FAM13A: variants seen among roughly 807,000 people sequenced by gnomAD.
FAM13A encodes the protein protein FAM13A.
In FAM13A, 76 loss-of-function variants were observed where a neutral mutation model predicts 129.6. The observed-to-expected ratio is 0.59, with a 90% CI of 0.49 to 0.71. FAM13A has a LOEUF of 0.71. FAM13A is among the 30% of genes least tolerant of loss of function. The pLI, the probability that FAM13A is intolerant of heterozygous loss-of-function variation, is 0.00. For synonymous variants in FAM13A, 443 were observed against 449.9 expected, an observed-to-expected ratio of 0.98 and a Z score of 0.20; for missense variants, 1,108 against 1,249.3, an observed-to-expected ratio of 0.89 and a Z score of 1.70.
At chr4:88,943,871 CTTTG>C (rs1755187374) in intron 4 of FAM13A, among the ~76,000 whole-genome samples, 1 of 152,050 alleles carries the variant, frequency 6.6e-6, no homozygotes. Flanking sequence ...TCTTTTAATG[CTTTG>C]TTTTTCAGAC....
chr4:88,852,119 C>A (rs1268076763), intron 6 of FAM13A, among the ~76,000 whole-genome samples: 3 of 151,632 alleles, frequency 2.0e-5, no homozygotes, highest in African/African-American at 7.3e-5. Context: ...TCCTTAGAGG[C>A]TGAGATAACT....
Position 88,732,111 on chromosome 4 carries a change from G to A in FAM13A, c.2734C>T (p.Leu912=). Residue 912 remains leucine, a synonymous_variant, in exon 22 of 24, where the codon CTG becomes TTG. Coordinates refer to ENST00000264344, the MANE Select transcript of FAM13A (RefSeq NM_014883.4). ...TCAGCGTCATCTTCGAATTGGTCCA[G>A]AAAGCATCGTGCACTGAAATCGGTT... ...LKTDFSARCF[L]DQFEDDADGF... 1 of 1,613,968 alleles carries A rather than the reference G, an allele frequency of 6.2e-7. No individual in the cohort carries two copies.
At chr4:88,849,630 T>C (rs895992277) in intron 7 of FAM13A, among the ~76,000 whole-genome samples, 1 of 152,228 alleles carries the variant, frequency 6.6e-6, no homozygotes, top group African/African-American at 2.4e-5. Context: ...GCTGAAATCA[T>C]CTTCCTCACA....
At chr4:88,854,833 T>C (rs1738223716) in intron 6 of FAM13A, among the ~76,000 whole-genome samples, 2 of 152,210 alleles carry the variant, frequency 1.3e-5, no homozygotes, top group Admixed American at 6.5e-5. Context: ...TAAAAACAAA[T>C]GAATGTTCTT....
At chr4:88,902,399 CAT>C (rs1366724083) in intron 6 of FAM13A, among the ~76,000 whole-genome samples, 3 of 152,016 alleles carry the variant, frequency 2.0e-5, no homozygotes, top group Non-Finnish European at 4.4e-5. Flanking sequence ...CATCAAAAAG[CAT>C]ATGCACCATG....
chr4:88,870,529 A>T (rs1178246336), intron 6 of FAM13A, among the ~76,000 whole-genome samples: 1 of 152,176 alleles, frequency 6.6e-6, no homozygotes, highest in Admixed American at 6.5e-5. Context: ...AGCCTTGCTC[A>T]TTGCTAGTGC....
intron 8 of FAM13A, among the ~76,000 whole-genome samples, chr4:88,796,935 CATT>C (rs1239080639): frequency 6.6e-6 from 1 of 152,024 alleles, no homozygotes; most frequent in East Asian, 1.9e-4. Context: ...ATATTTCTCT[CATT>C]ATTATTAAAA....
intron 11 of FAM13A, among the ~76,000 whole-genome samples, chr4:88,772,949 G>A (rs951383236): frequency 2.0e-5 from 3 of 152,200 alleles, no homozygotes; most frequent in Non-Finnish European, 4.4e-5. Flanking sequence ...ACTGATATAA[G>A]TTAGAAGAGT....
At chr4:88,921,721 G>T (rs575156467) in intron 5 of FAM13A, among the ~76,000 whole-genome samples, 139 of 152,176 alleles carry the variant, frequency 9.1e-4, no homozygotes, top group Non-Finnish European at 1.8e-3. Flanking sequence ...AAATGTAAAT[G>T]GACTAAATGC....
chr4:88,875,499 T>G (rs1012614135), intron 6 of FAM13A, among the ~76,000 whole-genome samples: 1 of 152,160 alleles, frequency 6.6e-6, no homozygotes, highest in African/African-American at 2.4e-5. Context: ...CAGACACTTC[T>G]CAAAAGAAGA....
chr4:88,792,195 A>G (rs1725322831), intron 8 of FAM13A, among the ~76,000 whole-genome samples: 1 of 152,042 alleles, frequency 6.6e-6, no homozygotes, highest in Admixed American at 6.6e-5. Context: ...CAATAACCCT[A>G]TGAAGAGGTA....
chr4:88,861,406 T>G (rs991830175), intron 6 of FAM13A, among the ~76,000 whole-genome samples: 1 of 145,334 alleles, frequency 6.9e-6, no homozygotes, highest in Non-Finnish European at 1.5e-5. Context: ...AAAACTAAAC[T>G]AAACGAAATA....
chr4:88,925,582 C>G (rs1751984276), intron 5 of FAM13A, among the ~76,000 whole-genome samples: 1 of 150,350 alleles, frequency 6.7e-6, no homozygotes, highest in Admixed American at 6.6e-5. Context: ...GGAGGTATAT[C>G]TCCTAATGCT....
At chr4:88,738,313 T>A (rs184708380) in intron 20 of FAM13A, among the ~76,000 whole-genome samples, 2 of 152,004 alleles carry the variant, frequency 1.3e-5, no homozygotes, top group Non-Finnish European at 2.9e-5. Context: ...CAGAAGCAAA[T>A]GTTTCCCTAA....
At chr4:88,952,916 C>A (rs1335493365) in intron 4 of FAM13A, among the ~76,000 whole-genome samples, 2 of 152,004 alleles carry the variant, frequency 1.3e-5, no homozygotes, top group African/African-American at 4.8e-5. Flanking sequence ...CCACTGCACT[C>A]CAGCATGGGC....
chr4:88,950,588 C>T (rs1484365069), intron 4 of FAM13A, among the ~76,000 whole-genome samples: 1 of 152,092 alleles, frequency 6.6e-6, no homozygotes, highest in Non-Finnish European at 1.5e-5. Flanking sequence ...AAGAAGAATA[C>T]TGAAGTGTAA....
intron 5 of FAM13A, among the ~76,000 whole-genome samples, chr4:88,919,830 G>T (rs1041571404): frequency 6.6e-6 from 1 of 152,180 alleles, no homozygotes; most frequent in Non-Finnish European, 1.5e-5. Context: ...CTGGAAAATC[G>T]GGTCACTCCC....
intron 5 of FAM13A, among the ~76,000 whole-genome samples, chr4:88,922,856 G>A (rs924677019): frequency 6.6e-5 from 10 of 152,090 alleles, no homozygotes; most frequent in Non-Finnish European, 1.3e-4. Flanking sequence ...AATAAAAAAT[G>A]ATAAAGGGGA....
intron 3 of FAM13A, among the ~76,000 whole-genome samples, chr4:88,993,888 G>A (rs993553522): frequency 2.6e-5 from 4 of 152,010 alleles, no homozygotes; most frequent in Admixed American, 2.6e-4. Context: ...CTACTCAGGA[G>A]GCTGAGGCAG....
Sources: gnomAD v4.1 joint callset for allele counts (sites outside exome capture counted in the v4.1 genomes callset) on GRCh38, gnomAD v4.1.1 for gene constraint, MANE v1.5 for transcripts, NCBI Gene and HGNC (gene_info 2026-07-23, HGNC 2026-07-21) for gene names.